Variants in KIF1A observed in about 807,000 individuals in gnomAD.
KIF1A encodes kinesin family member 1A.
In KIF1A, 46 loss-of-function variants were observed where a neutral mutation model predicts 227.3. The observed-to-expected ratio is 0.20, with a 90% CI of 0.16 to 0.26. The LOEUF (loss-of-function observed/expected upper bound fraction) is 0.26, where lower values mean the gene tolerates loss of function less well. Ranked by LOEUF, KIF1A falls within the 10% of genes least tolerant of loss-of-function variation. KIF1A has a pLI of 1.00. For missense variants in KIF1A, 1,683 were observed against 2,485.9 expected (o/e 0.68, Z 6.87); for synonymous variants, 1,022 against 1,012.8 (o/e 1.01, Z -0.17).
Position 240,719,869 on chromosome 2 carries a change from G to T in KIF1A, c.4926C>A (p.Ala1642=), listed in dbSNP as rs376581099. 6.2e-7 allele frequency: 1 copy of T among 1,612,008 alleles called. No individual in the cohort carries two copies. Among genetic ancestry groups the T allele is most frequent in the Non-Finnish European group, 8.5e-7 (1 of 1,179,490 alleles). ...ASPEPELLPE[A]DSKKLPSPAR... ...CAGGGGAAGGGAGCTTCTTGGAGTC[G>T]GCCTCTGGCAGCAGCTCGGGCTCTG... The change falls in exon 46 of 49, where the codon GCC becomes GCA. Residue 1642 remains alanine, a synonymous_variant. Coordinates refer to ENST00000498729, the MANE Select transcript of KIF1A (RefSeq NM_001244008.2).
At chr2:240,784,287 C>A (rs1031834036) in intron 7 of KIF1A, among the ~76,000 whole-genome samples, 21 of 152,136 alleles carry the variant, frequency 1.4e-4, no homozygotes, top group Non-Finnish European at 2.6e-4. Context: ...CACCCGCAGT[C>A]TGGGGTGGGA....
chr2:240,793,817 T>C lies in KIF1A; in HGVS notation c.106+3830A>G, dbSNP rs565230645. On this transcript the variant is annotated intron_variant, in intron 2 of 48. Transcript: ENST00000498729. The surrounding 1 kb of genome is among the most constrained non-coding windows in gnomAD (Gnocchi z 4.8). ...CTTTAGAGAGTGGGGCCTCTCCTCA[T>C]GTTTTGAGACTCCAGGAACAGTCAG... Among the ~76,000 whole-genome samples the C allele has an allele frequency of 1.3e-5, 2 of 152,278 alleles. No individual in the cohort carries two copies. Among genetic ancestry groups the C allele is most frequent in the African/African-American group, 4.8e-5 (2 of 41,554 alleles).
chr2:240,766,749 T>TCTCACACACACACACA lies in KIF1A; in HGVS notation c.1684+165_1684+166insTGTGTGTGTGTGTGAG, dbSNP rs1454271542. ...CTCTCTCTCTCTCTCTCTCTCTCTC[T>TCTCACACACACACACA]CACACACACACACACACACACACAC... On this transcript the variant is annotated intron_variant, in intron 19 of 48. Coordinates refer to ENST00000498729, the MANE Select transcript of KIF1A (RefSeq NM_001244008.2). The surrounding 1 kb of genome is among the most constrained non-coding windows in gnomAD (Gnocchi z 5.0). Among the ~76,000 whole-genome samples the TCTCACACACACACACA allele has an allele frequency of 2.8e-5, 3 of 108,972 alleles. No homozygotes were observed. The highest frequency in any genetic ancestry group is 1.2e-4 in the African/African-American group (3 of 24,110). The allele number at this position is 108,972 out of a possible 152,430, so 71.5% of individuals were successfully genotyped here. A position where few individuals can be genotyped will look rare whatever the true frequency, so the allele number is the denominator to read the frequency against.
chr2:240,725,934 TC>T lies in KIF1A; in HGVS notation c.4123-531del, dbSNP rs1257504162. The T allele has an allele frequency of 6.6e-6, 1 of 152,508 alleles. No individual in the cohort carries two copies. The highest frequency in any genetic ancestry group is 6.5e-5 in the Admixed American group (1 of 15,314). The allele number at this position is 152,508 out of a possible 1,614,324, so 9.4% of individuals were successfully genotyped here. On this transcript the variant is annotated intron_variant, in intron 39 of 48. Coordinates refer to ENST00000498729, the MANE Select transcript of KIF1A (RefSeq NM_001244008.2). The surrounding 1 kb of genome is among the most constrained non-coding windows in gnomAD (Gnocchi z 5.8). ...CGCTGGGAAGAGCTCTGCCAGCGCC[TC>T]CTCACGGCAACCTCACCACCATCTG...
At chr2:240,786,827 G>A (rs2054984029) in intron 5 of KIF1A, among the ~76,000 whole-genome samples, 1 of 149,684 alleles carries the variant, frequency 6.7e-6, no homozygotes, top group South Asian at 2.1e-4. Context: ...TGAGTGAGAG[G>A]GTGGGGGCTG....
intron 1 of KIF1A, among the ~76,000 whole-genome samples, chr2:240,804,339 C>A (rs74002941): frequency 6.6e-6 from 1 of 152,174 alleles, no homozygotes; most frequent in Non-Finnish European, 1.5e-5. Flanking sequence ...TCTACTTCTG[C>A]AGTATGGTGG....
chr2:240,747,020 G>C (rs1461007966), intron 29 of KIF1A, among the ~76,000 whole-genome samples: 2 of 152,184 alleles, frequency 1.3e-5, no homozygotes, highest in African/African-American at 4.8e-5. Flanking sequence ...GCCGTGGTGG[G>C]AGATGGGCGG....
intron 20 of KIF1A, among the ~76,000 whole-genome samples, chr2:240,764,248 G>A (rs1031222864): frequency 1.3e-5 from 2 of 152,152 alleles, no homozygotes; most frequent in Non-Finnish European, 1.5e-5. Flanking sequence ...TCCACAGGCC[G>A]TATGCAGCCC....
chr2:240,787,344 G>A, intron 4 of KIF1A, 28 bp from the exon 5 acceptor site: 3 of 1,600,532 alleles, frequency 1.9e-6, no homozygotes, highest in Non-Finnish European at 1.7e-6. Flanking sequence ...CAGTCAGCCA[G>A]GGAGGGCTGG....
intron 11 of KIF1A, among the ~76,000 whole-genome samples, chr2:240,774,705 G>A (rs1158238005): frequency 6.6e-6 from 1 of 152,050 alleles, no homozygotes; most frequent in East Asian, 1.9e-4. Context: ...AGGTTAGTAG[G>A]ATCAAAGCAT....
rs1416738831 is a variant in KIF1A, at chr2:240,782,554, C to T, written c.882+36G>A. ...GCAGGGCAGACACCGCCACCAGCCT[C>T]CCGCACCTGCCCCGGGGCTGAAGGA... On this transcript the variant is annotated intron_variant, in intron 10 of 48. Transcript: ENST00000498729. 2.6e-6 allele frequency: 4 copies of T among 1,549,982 alleles called. No homozygotes were observed. The Admixed American group carries it at 5.9e-5, about 23-fold the overall frequency.
chr2:240,809,679 T>A (rs1307377508), intron 1 of KIF1A, among the ~76,000 whole-genome samples: 1 of 151,588 alleles, frequency 6.6e-6, no homozygotes, highest in Non-Finnish European at 1.5e-5. Context: ...TTTTTTTTTT[T>A]TTTTTTTGAG....
In KIF1A at chr2:240,752,463, C is replaced by A. The variant is rs1298900272; in HGVS notation, c.2859-1916G>T. Among the ~76,000 whole-genome samples, 1 of 152,048 alleles carries A rather than the reference C, an allele frequency of 6.6e-6. No homozygotes were observed. The highest frequency in any genetic ancestry group is 1.5e-5 in the Non-Finnish European group (1 of 67,992). On this transcript the variant is annotated intron_variant, in intron 27 of 48. Transcript: ENST00000498729. This position sits in a 1 kb window ranked among gnomAD's most constrained non-coding sequence, Gnocchi z 6.4. The stretch of plus-strand genomic sequence containing the variant: ...GGCAATGCCTTCCCTCCCCAGGGCA[C>A]CCCGGGCTCCTGGACAAGGGTCTCT...
intron 33 of KIF1A, 35 bp from the exon 34 acceptor site, chr2:240,743,019 G>A (rs771090542): frequency 1.3e-6 from 2 of 1,560,098 alleles, no homozygotes; most frequent in East Asian, 2.3e-5. Context: ...GTGTTTGCGG[G>A]ACCCTGGGCG....
intron 1 of KIF1A, among the ~76,000 whole-genome samples, chr2:240,817,265 G>T (rs1476339101): frequency 1.3e-5 from 2 of 152,210 alleles, no homozygotes; most frequent in African/African-American, 4.8e-5. Context: ...GTGTGGCCCA[G>T]CCCCCCATGG....
chr2:240,719,306 C>T, intron 46 of KIF1A, 108 bp from the exon 47 acceptor site: 7 of 1,271,720 alleles, frequency 5.5e-6, no homozygotes, highest in Non-Finnish European at 6.4e-6. Context: ...CCAACCACCT[C>T]CCCAGCCAGA....
chr2:240,769,605 C>T (rs1249939278), intron 16 of KIF1A, 22 bp downstream of exon 16: 1 of 1,604,806 alleles, frequency 6.2e-7, no homozygotes, highest in East Asian at 2.2e-5. Flanking sequence ...TCCCCCTGGG[C>T]CTCAGTTTCC....
chr2:240,721,485 T>C (rs948651660), intron 44 of KIF1A, among the ~76,000 whole-genome samples: 7 of 152,096 alleles, frequency 4.6e-5, no homozygotes, highest in African/African-American at 1.7e-4. Flanking sequence ...AAGTGGGAGC[T>C]TGACTGACTG....
Position 240,740,338 on chromosome 2 carries a change from C to T in KIF1A, c.3776G>A (p.Arg1259His), listed in dbSNP as rs761077237. Residue 1259 changes from arginine (R) to histidine (H), a missense_variant, in exon 36 of 49, where the codon CGT becomes CAT. By Grantham distance (29) the Arg-to-His change is conservative (BLOSUM62 0). This residue lies in a region of KIF1A where 759 missense variants were observed against 1,020.2 expected (regional missense o/e 0.74). Transcript: ENST00000498729. This position sits in a 1 kb window ranked among gnomAD's most constrained non-coding sequence, Gnocchi z 6.1. ...GDYIPAVVDHRGGMPCMGTFL... is the reference protein window; with the variant it reads ...GDYIPAVVDHHGGMPCMGTFL... ...GGTCCCCATGCATGGCATGCCCCCA[C>T]GGTGGTCCACCACGGCCGGGATGTA... 24 of 1,613,628 alleles carry T rather than the reference C, an allele frequency of 1.5e-5. No individual in the cohort carries two copies. Among genetic ancestry groups the T allele is most frequent in the Admixed American group, 3.3e-5 (2 of 59,990 alleles).
Sources: allele counts gnomAD v4.1 joint callset (sites outside exome capture counted in the v4.1 genomes callset), GRCh38; gene constraint gnomAD v4.1.1; regional missense constraint gnomAD v4.1.1; non-coding constraint Gnocchi (gnomAD v3.1); transcripts MANE v1.5; gene names NCBI Gene and HGNC (gene_info 2026-07-23, HGNC 2026-07-21).